PBX1: variants seen among roughly 807,000 people sequenced by gnomAD.
PBX1 encodes the protein pre-B-cell leukemia transcription factor 1.
In PBX1, 6 loss-of-function variants were observed where a neutral mutation model predicts 53.4. The ratio of observed to expected loss-of-function variants is 0.11; its 90% CI spans 0.06 to 0.22. The LOEUF (loss-of-function observed/expected upper bound fraction) is 0.22, where lower values mean the gene tolerates loss of function less well. Among genes scored for constraint, PBX1 ranks in the 10% least tolerant of loss-of-function variants. PBX1 has a pLI of 1.00. For synonymous variants in PBX1, 204 were observed against 212.3 expected, an observed-to-expected ratio of 0.96 and a Z score of 0.34; for missense variants, 251 against 551.4, an observed-to-expected ratio of 0.46 and a Z score of 5.46.
chr1:164,803,403 T>C (rs3767371), intron 4 of PBX1, among the ~76,000 whole-genome samples: 74,984 of 152,046 alleles, frequency 0.49, 18,815 homozygotes, highest in South Asian at 0.57. Context: ...CAAAATAAAA[T>C]AACAGAATTC....
At position 164,702,147 on chromosome 1, in the gene PBX1, G is replaced by A. The variant is rs571514984; in HGVS notation, c.266-90347G>A. 3.7e-4 allele frequency among the ~76,000 whole-genome samples: 56 copies of A among 152,198 alleles called. 2 individuals are homozygous for A. The South Asian group carries it at 0.011, about 29-fold the overall frequency. ...AGAAGAGCAGGAGGGAGCACAGTGT[G>A]CCTTGCCCTGGCTGGCAGTATGAGA... On this transcript the variant is annotated intron_variant, in intron 2 of 8. Coordinates refer to ENST00000420696, the MANE Select transcript of PBX1 (RefSeq NM_002585.4).
intron 2 of PBX1, among the ~76,000 whole-genome samples, chr1:164,875,214 A>C (rs1672475209): frequency 6.6e-6 from 1 of 152,222 alleles, no homozygotes; most frequent in African/African-American, 2.4e-5. Flanking sequence ...GAAGGAAAAA[A>C]GCAAAGGAAG....
At chr1:164,745,107 C>T (rs1665824154) in intron 2 of PBX1, among the ~76,000 whole-genome samples, 1 of 152,092 alleles carries the variant, frequency 6.6e-6, no homozygotes, top group African/African-American at 2.4e-5. Context: ...AGTGGCAAAG[C>T]CGATATTAAA....
chr1:164,692,853 T>C (rs543842504), intron 2 of PBX1, among the ~76,000 whole-genome samples: 44 of 152,352 alleles, frequency 2.9e-4, no homozygotes, highest in Admixed American at 9.2e-4. Flanking sequence ...ACAGTTTTAC[T>C]AGGTTCTAAT....
chr1:164,612,048 C>A (rs1052716405), intron 2 of PBX1, among the ~76,000 whole-genome samples: 1 of 152,006 alleles, frequency 6.6e-6, no homozygotes, highest in Non-Finnish European at 1.5e-5. Flanking sequence ...AATTTTTTGC[C>A]CCAGGTCAGA....
intron 2 of PBX1, among the ~76,000 whole-genome samples, chr1:164,572,882 C>T (rs1243531543): frequency 2.6e-5 from 4 of 151,924 alleles, no homozygotes; most frequent in South Asian, 2.1e-4. Flanking sequence ...TACCTCTGTC[C>T]GGGAGTTTTA....
intron 2 of PBX1, among the ~76,000 whole-genome samples, chr1:164,615,067 G>T (rs1657178712): frequency 6.6e-6 from 1 of 152,180 alleles, no homozygotes; most frequent in Non-Finnish European, 1.5e-5. Context: ...GATTCACTGT[G>T]CCTGGCCTCA....
rs536089169 is a variant in PBX1 at position 164,805,492 on chromosome 1, G to A, written c.702-2050G>A. On this transcript the variant is annotated intron_variant, in intron 4 of 8. Transcript: ENST00000420696. ...CTGGGAACAGCTGTCTGCACCATCC[G>A]CATACCACCAGCTCATTCCAGAGAG... Among the ~76,000 whole-genome samples the A allele has an allele frequency of 6.6e-5, 10 of 152,250 alleles. No individual in the cohort carries two copies. In the South Asian group the frequency reaches 1.5e-3, roughly 22 times the overall value.
At chr1:164,721,744 C>G (rs1664419380) in intron 2 of PBX1, among the ~76,000 whole-genome samples, 2 of 152,210 alleles carry the variant, frequency 1.3e-5, no homozygotes, top group South Asian at 2.1e-4. Context: ...CGGCTTGACT[C>G]TGCCCTGTCC....
chr1:164,768,948 T>C (rs1667223534), intron 2 of PBX1, among the ~76,000 whole-genome samples: 1 of 151,768 alleles, frequency 6.6e-6, no homozygotes, highest in African/African-American at 2.4e-5. Flanking sequence ...CCAGCTACTC[T>C]AGAGGCTTAG....
chr1:164,821,673 A>G, intron 8 of PBX1, 47 bp downstream of exon 8: 1 of 1,422,654 alleles, frequency 7.0e-7, no homozygotes, highest in South Asian at 1.2e-5. Context: ...TTATTCTTTC[A>G]CTACCAATTA....
chr1:164,810,817 A>T (rs1291414119), intron 5 of PBX1, among the ~76,000 whole-genome samples: 1 of 151,992 alleles, frequency 6.6e-6, no homozygotes, highest in East Asian at 1.9e-4. Flanking sequence ...TTCTTATTGA[A>T]TTTTTTTCTT....
intron 2 of PBX1, among the ~76,000 whole-genome samples, chr1:164,872,120 A>C (rs1338602330): frequency 2.0e-5 from 3 of 152,156 alleles, no homozygotes; most frequent in African/African-American, 7.2e-5. Flanking sequence ...TCATATACTT[A>C]CAAGATTTTA....
intron 2 of PBX1, chr1:164,652,089 GTC>G (rs1168322628): frequency 1.3e-5 from 2 of 151,482 alleles, no homozygotes; most frequent in Admixed American, 6.6e-5. Context: ...TGGAGAGGGA[GTC>G]TCTGTCACCA....
At chr1:164,883,229 C>T (rs1205497863) in intron 2 of PBX1, among the ~76,000 whole-genome samples, 1 of 152,126 alleles carries the variant, frequency 6.6e-6, no homozygotes, top group Admixed American at 6.5e-5. Context: ...TTCCACAAGA[C>T]CCAATTCTAT....
intron 8 of PBX1, among the ~76,000 whole-genome samples, chr1:164,835,440 C>T (rs1291690754): frequency 6.6e-6 from 1 of 152,098 alleles, no homozygotes; most frequent in South Asian, 2.1e-4. Flanking sequence ...TTATGGTTCT[C>T]ACTAACAGTT....
chr1:164,562,452 TACAC>T (rs6143458), intron 1 of PBX1, among the ~76,000 whole-genome samples: 44,128 of 143,192 alleles, frequency 0.31, 6,727 homozygotes, highest in Middle Eastern at 0.39. Context: ...GCATTCAGAA[TACAC>T]ACACACACAC....
rs1571218828 is a variant in PBX1, at chr1:164,560,375, C to G, written c.191+362C>G. ...AAAGTATCAGAGAAAGCAGAATTGT[C>G]AAGTTTTGAACAGCATTCCATGCCT... On this transcript the variant is annotated intron_variant, in intron 1 of 8. Transcript: ENST00000420696. 4 of 396,498 alleles carry G rather than the reference C, an allele frequency of 1.0e-5. No homozygotes were observed. In the East Asian group the frequency reaches 1.4e-4, roughly 14 times the overall value. The allele number at this position is 396,498 out of a possible 1,614,324, so 24.6% of individuals were successfully genotyped here. A position where few individuals can be genotyped will look rare whatever the true frequency, so the allele number is the denominator to read the frequency against.
intron 2 of PBX1, among the ~76,000 whole-genome samples, chr1:164,590,622 A>C (rs369816965): frequency 6.6e-6 from 1 of 152,154 alleles, no homozygotes; most frequent in Non-Finnish European, 1.5e-5. Flanking sequence ...AGTGGACTAT[A>C]TATGACTCCC....
Sources: allele counts gnomAD v4.1 joint callset (sites outside exome capture counted in the v4.1 genomes callset), GRCh38; gene constraint gnomAD v4.1.1; transcripts MANE v1.5; gene names NCBI Gene and HGNC (gene_info 2026-07-23, HGNC 2026-07-21).